Variants in FYCO1 observed in about 807,000 individuals in gnomAD.
FYCO1 encodes the protein FYVE and coiled-coil domain autophagy adaptor 1, also known as FYVE and coiled-coil domain-containing protein 1.
Under a neutral mutation model 165.1 loss-of-function variants are expected in FYCO1, and 122 were observed. The ratio of observed to expected loss-of-function variants is 0.74; its 90% CI spans 0.64 to 0.86. The LOEUF is 0.86. Among genes scored for constraint, FYCO1 ranks in the 40% least tolerant of loss-of-function variants. The pLI, the probability that FYCO1 is intolerant of heterozygous loss-of-function variation, is 0.00. For synonymous variants in FYCO1, 648 were observed against 742.5 expected (o/e 0.87, Z 2.07); for missense variants, 1,702 against 1,810.3 (o/e 0.94, Z 1.09).
Position 45,921,446 on chromosome 3 carries a change from G to GT in FYCO1, c.*318dup. ...CCGTGAAACTCTCCACAAGAGGCCTGTAGCCAACTGTGCTCCCAGGAGAGG... is the reference window on the plus strand; with the variant it reads ...CCGTGAAACTCTCCACAAGAGGCCTGTTAGCCAACTGTGCTCCCAGGAGAGG... On this transcript the variant is annotated 3_prime_UTR_variant, in exon 18 of 18. Transcript: ENST00000296137. 2.6e-6 allele frequency: 1 copy of GT among 385,226 alleles called. No individual in the cohort carries two copies. Among genetic ancestry groups the GT allele is most frequent in the Non-Finnish European group, 5.0e-6 (1 of 200,470 alleles). The allele number at this position is 385,226 out of a possible 1,614,324, so 23.9% of individuals were successfully genotyped here.
At chr3:45,949,826 A>C (rs1476622482) in intron 14 of FYCO1, among the ~76,000 whole-genome samples, 1 of 152,212 alleles carries the variant, frequency 6.6e-6, no homozygotes, top group Non-Finnish European at 1.5e-5. Context: ...ACAGCACAGC[A>C]GCAAAATCTT....
chr3:45,980,308 C>A (rs2125868779), intron 3 of FYCO1, among the ~76,000 whole-genome samples: 1 of 151,338 alleles, frequency 6.6e-6, no homozygotes, highest in East Asian at 1.9e-4. Context: ...AAGGTTGCAC[C>A]ACTGCACTCC....
intron 10 of FYCO1, among the ~76,000 whole-genome samples, chr3:45,963,706 ACTAG>A (rs1312544902): frequency 6.6e-6 from 1 of 152,214 alleles, no homozygotes; most frequent in Non-Finnish European, 1.5e-5. Context: ...TCCTGGCTCA[ACTAG>A]CTGTGTCCCA....
intron 10 of FYCO1, among the ~76,000 whole-genome samples, chr3:45,963,465 G>T (rs1705815948): frequency 6.6e-6 from 1 of 152,146 alleles, no homozygotes; most frequent in Admixed American, 6.5e-5. Flanking sequence ...GTATGTCCAG[G>T]TTACCAAATG....
At chr3:45,951,130 G>A (rs1391820430) in intron 14 of FYCO1, among the ~76,000 whole-genome samples, 3 of 152,134 alleles carry the variant, frequency 2.0e-5, no homozygotes, top group East Asian at 1.9e-4. Context: ...ACTGGGCTGC[G>A]CAGTGCAAGG....
intron 14 of FYCO1, among the ~76,000 whole-genome samples, chr3:45,950,530 G>A (rs1440923176): frequency 6.6e-6 from 1 of 152,060 alleles, no homozygotes; most frequent in Non-Finnish European, 1.5e-5. Context: ...AAGAGGATGG[G>A]GCCCAGAAGT....
intron 16 of FYCO1, among the ~76,000 whole-genome samples, chr3:45,924,524 G>A (rs886986655): frequency 6.6e-6 from 1 of 152,172 alleles, no homozygotes; most frequent in African/African-American, 2.4e-5. Flanking sequence ...ACCAGGGCAG[G>A]CTCTTCAACC....
intron 4 of FYCO1, among the ~76,000 whole-genome samples, chr3:45,978,672 A>T (rs1026611466): frequency 6.6e-6 from 1 of 152,222 alleles, no homozygotes; most frequent in African/African-American, 2.4e-5. Context: ...GAAAGAAGAA[A>T]TGTACAAACC....
At chr3:45,989,085 G>T (rs1044069826) in intron 1 of FYCO1, among the ~76,000 whole-genome samples, 4 of 152,176 alleles carry the variant, frequency 2.6e-5, no homozygotes, top group Non-Finnish European at 4.4e-5. Context: ...CATCAGGGGA[G>T]GAGGAGGTTG....
At chr3:45,957,725 T>A (rs1406349467) in intron 13 of FYCO1, among the ~76,000 whole-genome samples, 2 of 152,256 alleles carry the variant, frequency 1.3e-5, no homozygotes, top group Non-Finnish European at 2.9e-5. Context: ...ACAGTATTTC[T>A]AAAGGCTGGC....
In FYCO1 at chr3:45,920,890, TAGCTCTAA is replaced by T. The variant is rs910608472; in HGVS notation, c.*867_*874del. ...CAAAAGTGGGCCATCAGCTGAGGAG[TAGCTCTAA>T]AGCCAATGCACAATCCTGCTCTGTG... On this transcript the variant is annotated 3_prime_UTR_variant, in exon 18 of 18. Coordinates refer to ENST00000296137, the MANE Select transcript of FYCO1 (RefSeq NM_024513.4). 6.6e-6 allele frequency: 1 copy of T among 152,528 alleles called. No homozygotes were observed. Among genetic ancestry groups the T allele is most frequent in the African/African-American group, 2.4e-5 (1 of 41,366 alleles). 9.4% of individuals were successfully genotyped at this position (152,528 alleles called of 1,614,324 possible). A position where few individuals can be genotyped will look rare whatever the true frequency, so the allele number is the denominator to read the frequency against.
At chr3:45,985,375 G>A (rs533235537) in intron 1 of FYCO1, among the ~76,000 whole-genome samples, 3 of 152,250 alleles carry the variant, frequency 2.0e-5, no homozygotes, top group South Asian at 4.1e-4. Context: ...AAGGCTACAC[G>A]GAATCAGTGC....
rs1445360401 is a variant in FYCO1 at position 45,931,132 on chromosome 3, T to C, written c.4190A>G (p.Lys1397Arg). ...GAAGACCACACTGAAGGAGATGCTC[T>C]TGGGGTCAGAGGAGAAGACCCAGCT... ...TISWVFSSDP[K>R]SISFSVVFQE... Residue 1397 changes from lysine (K) to arginine (R), a missense_variant, in exon 16 of 18, where the codon AAG becomes AGG. Physicochemically the swap from Lys to Arg is conservative, Grantham distance 26. Transcript: ENST00000296137. The C allele has an allele frequency of 6.2e-7, 1 of 1,613,838 alleles. No individual in the cohort carries two copies. The highest frequency in any genetic ancestry group is 1.3e-5 in the African/African-American group (1 of 74,910).
At chr3:45,943,291 A>G (rs1704350760) in intron 14 of FYCO1, among the ~76,000 whole-genome samples, 1 of 152,168 alleles carries the variant, frequency 6.6e-6, no homozygotes, top group Non-Finnish European at 1.5e-5. Context: ...AATCAGCCCC[A>G]AAGCAGAATG....
rs767162193 is a variant in FYCO1, at chr3:45,931,168, C to T, written c.4154G>A (p.Gly1385Asp). The T allele has an allele frequency of 2.9e-5, 46 of 1,613,978 alleles. No individual in the cohort carries two copies. Among genetic ancestry groups the T allele is most frequent in the Admixed American group, 1.5e-4 (9 of 60,008 alleles). Reference sequence around the variant, plus strand: ...GGAGAAGACCCAGCTGATGGTGAGGCCTGCCTCGGCCACAGTGATGGGGAT... The same window carrying T: ...GGAGAAGACCCAGCTGATGGTGAGGTCTGCCTCGGCCACAGTGATGGGGAT... ...SLIPITVAEA[G>D]LTISWVFSSD... Residue 1385 changes from glycine to aspartate, a missense_variant, in exon 16 of 18, where the codon GGC (glycine) becomes GAC (aspartate). Physicochemically the swap from Gly to Asp is moderately conservative, Grantham distance 94. Coordinates refer to ENST00000296137, the MANE Select transcript of FYCO1 (RefSeq NM_024513.4).
At chr3:45,946,326 GT>G in intron 14 of FYCO1, 1 of 639,128 alleles carries the variant, frequency 1.6e-6, no homozygotes. Flanking sequence ...ATACTGGACT[GT>G]GCTGTTTCTA....
chr3:45,924,611 T>A (rs1014805855), intron 16 of FYCO1, among the ~76,000 whole-genome samples: 1 of 152,042 alleles, frequency 6.6e-6, no homozygotes, highest in African/African-American at 2.4e-5. Context: ...AGTCAACATT[T>A]TTTTTTCCTT....
chr3:45,961,238 A>T (rs1442125621), intron 11 of FYCO1, among the ~76,000 whole-genome samples: 1 of 152,218 alleles, frequency 6.6e-6, no homozygotes, highest in Non-Finnish European at 1.5e-5. Context: ...TTAAGAAATT[A>T]TACTTCATTT....
At chr3:45,959,931 C>T (rs1049156535) in intron 11 of FYCO1, among the ~76,000 whole-genome samples, 2 of 152,218 alleles carry the variant, frequency 1.3e-5, no homozygotes, top group Admixed American at 1.3e-4. Flanking sequence ...GTACTTCCCA[C>T]CTGAATCTTA....
Sources: gnomAD v4.1 joint callset for allele counts (sites outside exome capture counted in the v4.1 genomes callset) on GRCh38, gnomAD v4.1.1 for gene constraint, MANE v1.5 for transcripts, NCBI Gene and HGNC (gene_info 2026-07-23, HGNC 2026-07-21) for gene names.